SCHIP1: variants seen among roughly 807,000 people sequenced by gnomAD.
SCHIP1 encodes schwannomin interacting protein 1.
Under a neutral mutation model 29.7 loss-of-function variants are expected in SCHIP1, and 8 were observed. That is an observed-to-expected ratio of 0.27 (90% CI 0.16 to 0.49). The LOEUF (loss-of-function observed/expected upper bound fraction) is 0.49. Ranked by LOEUF, SCHIP1 falls within the 20% of genes least tolerant of loss-of-function variation. SCHIP1 has a pLI of 0.99. For synonymous variants in SCHIP1, 76 were observed against 94.9 expected, an observed-to-expected ratio of 0.80 and a Z score of 1.16; for missense variants, 193 against 294.6, an observed-to-expected ratio of 0.66 and a Z score of 2.52.
chr3:159,432,567 AACT>A, the SCHIP1 span, among the ~76,000 whole-genome samples: 1 of 152,086 alleles, frequency 6.6e-6, no homozygotes. Flanking sequence ...CAGCTTTTAA[AACT>A]ACCACTGGCA....
At chr3:159,591,625 G>A in the SCHIP1 span, among the ~76,000 whole-genome samples, 2 of 152,080 alleles carry the variant, frequency 1.3e-5, no homozygotes, top group Non-Finnish European at 2.9e-5. Flanking sequence ...TCCGGGACAT[G>A]GATGAATCTG....
the SCHIP1 span, among the ~76,000 whole-genome samples, chr3:159,674,215 A>G: frequency 3.5e-4 from 54 of 152,302 alleles, 1 homozygote; most frequent in East Asian, 8.7e-3. Context: ...GTAACTTACA[A>G]ATTCTTTTAA....
chr3:159,576,310 C>T, the SCHIP1 span, among the ~76,000 whole-genome samples: 1 of 152,134 alleles, frequency 6.6e-6, no homozygotes, highest in Non-Finnish European at 1.5e-5. Flanking sequence ...CAGATATTTT[C>T]TCTTAGCACT....
At chr3:159,888,587 C>G in intron 4 of SCHIP1, 1 of 420,406 alleles carries the variant, frequency 2.4e-6, no homozygotes, top group Non-Finnish European at 4.1e-6. Context: ...ATATTAAAGA[C>G]GAGTCAAAAA....
the SCHIP1 span, among the ~76,000 whole-genome samples, chr3:159,561,991 A>G: frequency 2.0e-5 from 3 of 152,198 alleles, no homozygotes; most frequent in African/African-American, 4.8e-5. Context: ...AACAAACCAC[A>G]TGTGCATCAA....
At chr3:159,521,643 G>T in the SCHIP1 span, among the ~76,000 whole-genome samples, 1 of 152,152 alleles carries the variant, frequency 6.6e-6, no homozygotes, top group Non-Finnish European at 1.5e-5. Context: ...CTGCTTCTTC[G>T]CTGGAATAAC....
the SCHIP1 span, among the ~76,000 whole-genome samples, chr3:159,275,589 CT>C: frequency 1.3e-5 from 2 of 152,084 alleles, no homozygotes; most frequent in African/African-American, 4.8e-5. Context: ...ATATTTGCTG[CT>C]TTTTTTCCAA....
At chr3:159,480,607 A>G in the SCHIP1 span, among the ~76,000 whole-genome samples, 1 of 152,174 alleles carries the variant, frequency 6.6e-6, no homozygotes, top group Non-Finnish European at 1.5e-5. Flanking sequence ...TTCTCTCAAA[A>G]CAAAAGAACA....
the SCHIP1 span, among the ~76,000 whole-genome samples, chr3:159,343,267 A>G: frequency 1.3e-5 from 2 of 152,234 alleles, no homozygotes; most frequent in Admixed American, 1.3e-4. Context: ...TATTTTATGT[A>G]TTGAGTAGTC....
the SCHIP1 span, among the ~76,000 whole-genome samples, chr3:159,426,364 CCCACAGACATACAAACTA>C: frequency 2.0e-5 from 3 of 152,214 alleles, no homozygotes; most frequent in African/African-American, 4.8e-5. Context: ...CACCACCGAT[CCCACAGACATACAAACTA>C]CCATCAGAGA....
the SCHIP1 span, among the ~76,000 whole-genome samples, chr3:159,660,834 C>T: frequency 5.3e-5 from 8 of 152,176 alleles, 1 homozygote; most frequent in African/African-American, 1.9e-4. Context: ...GGGATTAGAA[C>T]AAAGGGAAAA....
the SCHIP1 span, among the ~76,000 whole-genome samples, chr3:159,695,282 C>A: frequency 2.6e-5 from 4 of 152,164 alleles, no homozygotes; most frequent in African/African-American, 4.8e-5. Context: ...ATGTGGCTAT[C>A]AAATGCCCAC....
the SCHIP1 span, among the ~76,000 whole-genome samples, chr3:159,817,773 G>A: frequency 4.9e-4 from 74 of 152,144 alleles, no homozygotes; most frequent in African/African-American, 1.6e-3. Flanking sequence ...TGCTTTTGTC[G>A]CTGTATTCTT....
chr3:159,503,991 A>C, the SCHIP1 span, among the ~76,000 whole-genome samples: 2 of 152,220 alleles, frequency 1.3e-5, no homozygotes, highest in African/African-American at 4.8e-5. Context: ...TGCAAGAAGT[A>C]AAGTGCCTTC....
At chr3:159,656,227 G>C in the SCHIP1 span, among the ~76,000 whole-genome samples, 1 of 152,166 alleles carries the variant, frequency 6.6e-6, no homozygotes, top group Admixed American at 6.5e-5. Flanking sequence ...TCATATACAT[G>C]AACTCAGTAA....
the SCHIP1 span, among the ~76,000 whole-genome samples, chr3:159,663,842 A>G: frequency 6.6e-6 from 1 of 152,220 alleles, no homozygotes; most frequent in Admixed American, 6.5e-5. Flanking sequence ...GCATTTATCC[A>G]GCAGTTCCTC....
At chr3:159,666,213 A>C in the SCHIP1 span, among the ~76,000 whole-genome samples, 376 of 152,336 alleles carry the variant, frequency 2.5e-3, 2 homozygotes, top group Middle Eastern at 0.01. Context: ...GAGCAACTCC[A>C]TAGATTGCAA....
At chr3:159,550,174 T>A in the SCHIP1 span, among the ~76,000 whole-genome samples, 1 of 150,084 alleles carries the variant, frequency 6.7e-6, no homozygotes, top group African/African-American at 2.4e-5. Context: ...TAAGTTTGTA[T>A]TCCCAACCTG....
chr3:159,451,238 C>T, the SCHIP1 span, among the ~76,000 whole-genome samples: 3 of 152,182 alleles, frequency 2.0e-5, no homozygotes, highest in East Asian at 1.9e-4. Flanking sequence ...TTAAAGTACA[C>T]GTGGGTGGTT....
Sources: allele counts gnomAD v4.1 joint callset (sites outside exome capture counted in the v4.1 genomes callset), GRCh38; gene constraint gnomAD v4.1.1; transcripts MANE v1.5; gene names NCBI Gene and HGNC (gene_info 2026-07-23, HGNC 2026-07-21).